HDAC9: variants seen among roughly 807,000 people sequenced by gnomAD.
HDAC9 encodes MEF-2 interacting transcription repressor (MITR) protein.
HDAC9 carries 41 observed loss-of-function variants against 139.4 expected under a neutral mutation model. The observed-to-expected ratio is 0.29, with a 90% CI of 0.23 to 0.38. HDAC9 has a LOEUF of 0.38. Among genes scored for constraint, HDAC9 ranks in the 10% least tolerant of loss-of-function variants. The probability of loss-of-function intolerance (pLI) is 1.00; values close to 1 mark genes in which losing one functional copy is unlikely to be tolerated. For synonymous variants in HDAC9, 517 were observed against 476.2 expected (o/e 1.09, Z -1.12); for missense variants, 1,147 against 1,297.0 (o/e 0.88, Z 1.78).
chr7:18,662,756 G>A (rs1391437682), intron 11 of HDAC9, among the ~76,000 whole-genome samples: 3 of 152,006 alleles, frequency 2.0e-5, no homozygotes, highest in Admixed American at 6.6e-5. Flanking sequence ...TGAAGGGAGA[G>A]GAGGTAGTAC....
intron 2 of HDAC9, among the ~76,000 whole-genome samples, chr7:18,192,780 G>A (rs1219471702): frequency 4.6e-5 from 7 of 152,176 alleles, no homozygotes; most frequent in Admixed American, 1.3e-4. Flanking sequence ...ATGCACACAC[G>A]TTGTAACATT....
intron 9 of HDAC9, among the ~76,000 whole-genome samples, chr7:18,646,880 G>GT (rs1430979374): frequency 2.0e-5 from 3 of 151,940 alleles, no homozygotes; most frequent in African/African-American, 7.3e-5. Flanking sequence ...ATTTTTTGTA[G>GT]TTTATTATAC....
intron 1 of HDAC9, among the ~76,000 whole-genome samples, chr7:18,473,567 A>C (rs1299415074): frequency 6.6e-6 from 1 of 152,270 alleles, no homozygotes; most frequent in Non-Finnish European, 1.5e-5. Flanking sequence ...ATAACTCATT[A>C]AGACAACCTA....
At chr7:18,938,805 C>A (rs1328501989) in intron 23 of HDAC9, among the ~76,000 whole-genome samples, 1 of 152,086 alleles carries the variant, frequency 6.6e-6, no homozygotes, top group African/African-American at 2.4e-5. Flanking sequence ...ATAGTCAAAG[C>A]CTTGGGCCTA....
chr7:18,431,028 T>A (rs1328347013), intron 1 of HDAC9, among the ~76,000 whole-genome samples: 3 of 146,068 alleles, frequency 2.1e-5, no homozygotes, highest in African/African-American at 7.8e-5. Context: ...TCCTGTCCTG[T>A]CCTGTCCTGT....
At chr7:18,758,789 T>A (rs932975057) in intron 14 of HDAC9, among the ~76,000 whole-genome samples, 6 of 69,056 alleles carry the variant, frequency 8.7e-5, no homozygotes, top group African/African-American at 1.8e-4. Context: ...GGTAGAAACA[T>A]TTTTTTTTTT....
intron 2 of HDAC9, among the ~76,000 whole-genome samples, chr7:18,230,327 G>T (rs1793365165): frequency 6.6e-6 from 1 of 152,202 alleles, no homozygotes; most frequent in Non-Finnish European, 1.5e-5. Flanking sequence ...CAACAGCAGA[G>T]CATTGAACCA....
chr7:18,981,821 G>A lies in HDAC9; in HGVS notation c.3170+5868G>A, dbSNP rs886187479. ...GCCATGTAAGGTAACATATTCACAC[G>A]TTCCAAGGATTAGGAAGTGGATAGC... On this transcript the variant is annotated intron_variant, in intron 25 of 25. Transcript: ENST00000686413. Among the ~76,000 whole-genome samples the A allele has an allele frequency of 2.6e-5, 4 of 152,140 alleles. No homozygotes were observed. In the South Asian group the frequency reaches 6.2e-4, roughly 24 times the overall value.
intron 1 of HDAC9, among the ~76,000 whole-genome samples, chr7:18,310,069 A>C (rs1463304065): frequency 6.7e-6 from 1 of 150,324 alleles, no homozygotes; most frequent in African/African-American, 2.4e-5. Flanking sequence ...CTGATCATTC[A>C]GATGCACACT....
intron 16 of HDAC9, among the ~76,000 whole-genome samples, chr7:18,776,723 G>A (rs1217584480): frequency 6.6e-6 from 1 of 151,842 alleles, no homozygotes; most frequent in Non-Finnish European, 1.5e-5. Flanking sequence ...AGACAGGTGA[G>A]GGGTGACCTG....
intron 21 of HDAC9, among the ~76,000 whole-genome samples, chr7:18,856,635 A>G (rs1797703092): frequency 6.6e-6 from 1 of 152,208 alleles, no homozygotes; most frequent in Admixed American, 6.5e-5. Context: ...GTGCAAATGC[A>G]TTAGTAGCTT....
intron 2 of HDAC9, among the ~76,000 whole-genome samples, chr7:18,220,442 T>C (rs144364990): frequency 3.3e-5 from 5 of 152,218 alleles, no homozygotes; most frequent in African/African-American, 7.2e-5. Flanking sequence ...CTCTTAAGTG[T>C]ATAGATACAT....
chr7:18,925,100 G>A (rs1336731888), intron 22 of HDAC9, among the ~76,000 whole-genome samples: 1 of 152,194 alleles, frequency 6.6e-6, no homozygotes, highest in Non-Finnish European at 1.5e-5. Context: ...TGTAGCTTGA[G>A]TAAGAAGAAT....
At chr7:18,145,431 C>A (rs1786240925) in intron 1 of HDAC9, among the ~76,000 whole-genome samples, 1 of 152,206 alleles carries the variant, frequency 6.6e-6, no homozygotes, top group Middle Eastern at 3.4e-3. Context: ...AGTATATTAT[C>A]CAGACATATG....
intron 17 of HDAC9, among the ~76,000 whole-genome samples, chr7:18,828,792 C>G (rs371202247): frequency 6.6e-6 from 1 of 152,108 alleles, no homozygotes; most frequent in Non-Finnish European, 1.5e-5. Context: ...CAAACCTGCA[C>G]CAAGAGTGAA....
At chr7:18,623,676 G>C (rs575706584) in intron 6 of HDAC9, among the ~76,000 whole-genome samples, 21 of 152,286 alleles carry the variant, frequency 1.4e-4, no homozygotes, top group East Asian at 1.4e-3. Context: ...GGGTGCAGTG[G>C]CTCACGCTTG....
At chr7:18,736,841 T>A (rs12671114) in intron 13 of HDAC9, among the ~76,000 whole-genome samples, 6,699 of 152,242 alleles carry the variant, frequency 0.044, 311 homozygotes, top group East Asian at 0.1. Context: ...CTGGTAGAAT[T>A]CGGGTGTGAA....
At chr7:18,710,642 A>G (rs146152529) in intron 12 of HDAC9, among the ~76,000 whole-genome samples, 55 of 152,310 alleles carry the variant, frequency 3.6e-4, no homozygotes, top group Non-Finnish European at 2.8e-4. Context: ...TGTCTATGTT[A>G]ATGGTATCCG....
At chr7:18,470,184 A>T (rs1210471166) in intron 1 of HDAC9, among the ~76,000 whole-genome samples, 1 of 152,062 alleles carries the variant, frequency 6.6e-6, no homozygotes, top group African/African-American at 2.4e-5. Flanking sequence ...GTGGTGGTGC[A>T]TGCCTGTAGT....
Sources: gnomAD v4.1 joint callset for allele counts (sites outside exome capture counted in the v4.1 genomes callset) on GRCh38, gnomAD v4.1.1 for gene constraint, MANE v1.5 for transcripts, NCBI Gene and HGNC (gene_info 2026-07-23, HGNC 2026-07-21) for gene names.